CPED1: variants seen among roughly 807,000 people sequenced by gnomAD.
CPED1 encodes cadherin-like and PC-esterase domain-containing protein 1.
CPED1 carries 114 observed loss-of-function variants against 128.2 expected under a neutral mutation model. That is an observed-to-expected ratio of 0.89 (90% CI 0.76 to 1.04). The LOEUF is 1.04. Among genes scored for constraint, CPED1 ranks in the 50% least tolerant of loss-of-function variants. The probability of loss-of-function intolerance (pLI) is 0.00; values close to 1 mark genes in which losing one functional copy is unlikely to be tolerated. For synonymous variants in CPED1, 462 were observed against 426.7 expected (o/e 1.08, Z -1.02); for missense variants, 1,211 against 1,207.1 (o/e 1.00, Z -0.05).
chr7:121,175,423 CT>C (rs1447468726), intron 16 of CPED1, among the ~76,000 whole-genome samples: 2 of 152,178 alleles, frequency 1.3e-5, no homozygotes, highest in South Asian at 2.1e-4. Context: ...ATGTTATAAA[CT>C]GTCAATAAAC....
chr7:121,139,696 ACAAAT>A (rs1399083363), intron 14 of CPED1, among the ~76,000 whole-genome samples: 1 of 152,110 alleles, frequency 6.6e-6, no homozygotes, highest in Admixed American at 6.6e-5. Context: ...AGAATGGAAG[ACAAAT>A]CAACAGATTT....
chr7:121,228,179 C>T (rs746612365), intron 16 of CPED1, among the ~76,000 whole-genome samples: 5 of 152,004 alleles, frequency 3.3e-5, no homozygotes, highest in Non-Finnish European at 7.4e-5. Context: ...AAAGCTTCTG[C>T]ACAGCAAAAG....
chr7:121,187,472 A>G (rs1797029063), intron 16 of CPED1, among the ~76,000 whole-genome samples: 1 of 152,154 alleles, frequency 6.6e-6, no homozygotes, highest in Non-Finnish European at 1.5e-5. Context: ...TATGAAGAGG[A>G]TGGACAGGTA....
chr7:121,114,035 T>A (rs1258114139), intron 7 of CPED1, among the ~76,000 whole-genome samples: 4 of 152,140 alleles, frequency 2.6e-5, no homozygotes, highest in Non-Finnish European at 4.4e-5. Context: ...TTTCACCATG[T>A]TAGCCAGAAT....
chr7:121,281,871 G>C (rs1792471920), intron 22 of CPED1, among the ~76,000 whole-genome samples: 1 of 152,144 alleles, frequency 6.6e-6, no homozygotes, highest in African/African-American at 2.4e-5. Flanking sequence ...CAAACAGATT[G>C]TCATGCAGCA....
intron 16 of CPED1, among the ~76,000 whole-genome samples, chr7:121,144,779 A>T (rs947091266): frequency 6.6e-6 from 1 of 152,068 alleles, no homozygotes; most frequent in African/African-American, 2.4e-5. Context: ...ACTTATATCA[A>T]AATATCACAT....
intron 17 of CPED1, 42 bp from the exon 18 acceptor site, chr7:121,244,160 C>T (rs773343792): frequency 5.0e-6 from 8 of 1,613,542 alleles, no homozygotes; most frequent in African/African-American, 2.7e-5. Flanking sequence ...CAAACTTCAC[C>T]AGCAGAAACA....
chr7:121,234,572 T>C (rs1290562068), intron 16 of CPED1, among the ~76,000 whole-genome samples: 1 of 151,842 alleles, frequency 6.6e-6, no homozygotes, highest in African/African-American at 2.4e-5. Flanking sequence ...AAACTAAGAT[T>C]GAGTTTCACA....
At chr7:121,085,396 G>A (rs1290264279) in intron 5 of CPED1, among the ~76,000 whole-genome samples, 2 of 152,110 alleles carry the variant, frequency 1.3e-5, no homozygotes, top group Admixed American at 6.5e-5. Context: ...GATTTTTTCA[G>A]TTCAGTAGGC....
chr7:121,218,877 T>G (rs1050480057), intron 16 of CPED1, among the ~76,000 whole-genome samples: 2 of 152,074 alleles, frequency 1.3e-5, no homozygotes, highest in African/African-American at 4.8e-5. Flanking sequence ...CAAAAAAAGT[T>G]GTCCTTTAAA....
intron 16 of CPED1, among the ~76,000 whole-genome samples, chr7:121,157,510 C>A (rs1424271229): frequency 1.3e-5 from 2 of 152,130 alleles, no homozygotes; most frequent in Non-Finnish European, 2.9e-5. Context: ...GGCCAGTAGC[C>A]AGTTCATAGT....
intron 16 of CPED1, among the ~76,000 whole-genome samples, chr7:121,166,598 A>AG (rs1292661563): frequency 2.0e-5 from 3 of 152,188 alleles, no homozygotes; most frequent in Non-Finnish European, 4.4e-5. Context: ...TGTATTGTAA[A>AG]AACAACTCAT....
chr7:121,290,435 C>T (rs1016121029), intron 22 of CPED1, among the ~76,000 whole-genome samples: 9 of 152,138 alleles, frequency 5.9e-5, no homozygotes, highest in Non-Finnish European at 1.3e-4. Flanking sequence ...AGTGTAAAAG[C>T]GTTCCTATTT....
At position 121,296,589 on chromosome 7, in the gene CPED1, T is replaced by C. The variant is rs554964393; in HGVS notation, c.*937T>C. On this transcript the variant is annotated 3_prime_UTR_variant, in exon 23 of 23. Transcript: ENST00000310396. ...TTTTCCCACCAAGCATTTGCATATG[T>C]CCACAAATAGTATTATGTTACTAGT... 1 of 152,164 alleles carries C rather than the reference T, an allele frequency of 6.6e-6. No homozygotes were observed. Among genetic ancestry groups the C allele is most frequent in the Non-Finnish European group, 1.5e-5 (1 of 67,974 alleles). The allele number at this position is 152,164 out of a possible 1,614,324, so 9.4% of individuals were successfully genotyped here.
chr7:121,203,337 C>T (rs1400450432), intron 16 of CPED1, among the ~76,000 whole-genome samples: 3 of 152,086 alleles, frequency 2.0e-5, no homozygotes, highest in Non-Finnish European at 2.9e-5. Flanking sequence ...AATTATTCTT[C>T]GAACTTATCC....
Position 121,295,666 on chromosome 7 carries a change from G to A in CPED1, c.*14G>A, listed in dbSNP as rs370855958. The A allele has an allele frequency of 1.2e-6, 2 of 1,609,292 alleles. No individual in the cohort carries two copies. Among genetic ancestry groups the A allele is most frequent in the African/African-American group, 2.7e-5 (2 of 74,814 alleles). ...AGGACTATGTAGGCTCCCTGCAGGAGAGCTGAATCTGGAGCTGGAGACGAG... is the reference window on the plus strand; with the variant it reads ...AGGACTATGTAGGCTCCCTGCAGGAAAGCTGAATCTGGAGCTGGAGACGAG... On this transcript the variant is annotated 3_prime_UTR_variant, in exon 23 of 23. Coordinates refer to ENST00000310396, the MANE Select transcript of CPED1 (RefSeq NM_024913.5).
intron 2 of CPED1, among the ~76,000 whole-genome samples, chr7:121,001,897 T>C (rs777703481): frequency 6.6e-6 from 1 of 152,188 alleles, no homozygotes; most frequent in Middle Eastern, 3.4e-3. Context: ...ATTGAGATTA[T>C]AAAAGACAGA....
At chr7:121,010,817 C>T (rs1282540788) in intron 2 of CPED1, among the ~76,000 whole-genome samples, 1 of 152,182 alleles carries the variant, frequency 6.6e-6, no homozygotes, top group African/African-American at 2.4e-5. Context: ...GAGGGACATG[C>T]TTTCAAGCCT....
At chr7:121,019,439 C>A (rs1034177607) in intron 3 of CPED1, among the ~76,000 whole-genome samples, 1 of 151,938 alleles carries the variant, frequency 6.6e-6, no homozygotes, top group Non-Finnish European at 1.5e-5. Flanking sequence ...CCAGAGAAAG[C>A]GACCCAGGAT....
Sources: allele counts gnomAD v4.1 joint callset (sites outside exome capture counted in the v4.1 genomes callset), GRCh38; gene constraint gnomAD v4.1.1; transcripts MANE v1.5; gene names NCBI Gene and HGNC (gene_info 2026-07-23, HGNC 2026-07-21).